The following PRH1 variants were observed in gnomAD, a reference collection of about 807,000 sequenced individuals.
PRH1 encodes proline rich protein HaeIII subfamily 1.
PRH1 carries 7 observed loss-of-function variants against 7.9 expected under a neutral mutation model. That is an observed-to-expected ratio of 0.89 (90% CI 0.50 to 1.67). The LOEUF is 1.67. PRH1 is among the 40% of genes most tolerant of loss of function. PRH1 has a pLI of 0.00. For synonymous variants in PRH1, 45 were observed against 80.8 expected (o/e 0.56, Z 2.38); for missense variants, 109 against 223.6 (o/e 0.49, Z 3.27).
intron 2 of PRH1, among the ~76,000 whole-genome samples, chr12:10,914,676 C>T (rs936307144): frequency 6.6e-6 from 1 of 152,182 alleles, no homozygotes; most frequent in Admixed American, 6.5e-5. Context: ...AGAGTTTTAA[C>T]ACAAGTGACT....
chr12:10,938,857 A>T, intron 2 of PRH1: 1 of 1,613,654 alleles, frequency 6.2e-7, no homozygotes, highest in Non-Finnish European at 8.5e-7. Context: ...AGAGAAAAAT[A>T]GAGTTAGAAA....
chr12:10,888,671 C>T (rs1349832623), upstream of PRH1, among the ~76,000 whole-genome samples: 1 of 152,188 alleles, frequency 6.6e-6, no homozygotes, highest in East Asian at 1.9e-4. Flanking sequence ...CCTATGGGGC[C>T]ACTGAAAGTG....
In PRH1 at chr12:11,033,871, A is replaced by T. The variant is rs561216935; in HGVS notation, c.-126+13149T>A. ...ATGAACCAATACAAAAATGGGAAATACCACAGTGTATCATAAACACTCAAG... is the reference window on the plus strand; with the variant it reads ...ATGAACCAATACAAAAATGGGAAATTCCACAGTGTATCATAAACACTCAAG... On this transcript the variant is annotated intron_variant, in intron 1 of 3. Transcript: ENST00000539853. Among the ~76,000 whole-genome samples the T allele has an allele frequency of 2.4e-4, 36 of 152,348 alleles. 1 individual carries two copies. In the South Asian group the frequency reaches 2.5e-3, roughly 11 times the overall value.
chr12:11,111,556 A>T (rs1945590956), intron 1 of PRH1, among the ~76,000 whole-genome samples: 1 of 152,176 alleles, frequency 6.6e-6, no homozygotes, highest in Admixed American at 6.5e-5. Flanking sequence ...ATGACTACTG[A>T]GTAAATAACG....
At chr12:10,934,893 A>C (rs1322304003) in intron 2 of PRH1, among the ~76,000 whole-genome samples, 1 of 152,196 alleles carries the variant, frequency 6.6e-6, no homozygotes, top group Admixed American at 6.6e-5. Flanking sequence ...TTTGCTTATT[A>C]ATTTTAATTG....
Position 10,956,235 on chromosome 12 carries a change from C to G in PRH1, c.-59+17420G>C, listed in dbSNP as rs78296485. Among the ~76,000 whole-genome samples, 309 of 152,248 alleles carry G rather than the reference C, an allele frequency of 2.0e-3. 2 individuals are homozygous for G. Among genetic ancestry groups the G allele is most frequent in the Non-Finnish European group, 3.3e-3 (226 of 67,988 alleles). Reference sequence around the variant, plus strand: ...AAAAAGCTAATCCACCATAATCAAGCAGGCTTTATCACTGGGATACAAGTT... The same window carrying G: ...AAAAAGCTAATCCACCATAATCAAGGAGGCTTTATCACTGGGATACAAGTT... On this transcript the variant is annotated intron_variant, in intron 2 of 3. Transcript: ENST00000539853.
intron 1 of PRH1, among the ~76,000 whole-genome samples, chr12:11,151,939 AT>A (rs112805039): frequency 0.46 from 68,703 of 150,274 alleles, 16,379 homozygotes; most frequent in Non-Finnish European, 0.53. Flanking sequence ...GGTATGTCAT[AT>A]TTTTTTTTTC....
At chr12:10,943,909 ATTCT>A (rs1565489536) in intron 2 of PRH1, among the ~76,000 whole-genome samples, 6 of 152,232 alleles carry the variant, frequency 3.9e-5, no homozygotes, top group Non-Finnish European at 8.8e-5. Flanking sequence ...TGGGATCTCT[ATTCT>A]GTTCCATTGG....
At chr12:10,972,931 CA>C (rs200937386) in intron 2 of PRH1, among the ~76,000 whole-genome samples, 1,797 of 129,472 alleles carry the variant, frequency 0.014, 104 homozygotes, top group South Asian at 0.024. Flanking sequence ...CACCACAACC[CA>C]CCCCCCCCGC....
intron 1 of PRH1, among the ~76,000 whole-genome samples, chr12:11,102,824 G>T (rs925119824): frequency 1.3e-5 from 2 of 152,070 alleles, no homozygotes; most frequent in African/African-American, 4.8e-5. Flanking sequence ...AATCTACAAA[G>T]AACTTAAACA....
intron 2 of PRH1, among the ~76,000 whole-genome samples, chr12:10,893,751 T>C (rs1949607998): frequency 6.6e-6 from 1 of 152,244 alleles, no homozygotes; most frequent in South Asian, 2.1e-4. Context: ...CTTTCTGCAA[T>C]GTTGAAAATT....
chr12:10,938,446 A>G, intron 2 of PRH1: 1 of 1,614,090 alleles, frequency 6.2e-7, no homozygotes, highest in Non-Finnish European at 8.5e-7. Context: ...CCAACCTTTC[A>G]GAGGTCCAAA....
chr12:11,051,155 T>C (rs893019489), upstream of PRH1, among the ~76,000 whole-genome samples: 1 of 152,230 alleles, frequency 6.6e-6, no homozygotes, highest in Admixed American at 6.5e-5. Context: ...CCACCCCTGT[T>C]GTGTCAGGAA....
intron 1 of PRH1, among the ~76,000 whole-genome samples, chr12:11,001,833 T>C (rs1351293239): frequency 1.3e-5 from 2 of 152,126 alleles, no homozygotes; most frequent in African/African-American, 2.4e-5. Flanking sequence ...AAATAAACTT[T>C]GCAATATAAA....
chr12:10,903,273 A>G (rs982941766), intron 2 of PRH1, among the ~76,000 whole-genome samples: 2 of 152,194 alleles, frequency 1.3e-5, no homozygotes, highest in East Asian at 1.9e-4. Context: ...AAGGCACTAC[A>G]TAATAATAAA....
intron 1 of PRH1, among the ~76,000 whole-genome samples, chr12:11,038,310 G>A (rs1278252407): frequency 1.3e-5 from 2 of 152,154 alleles, no homozygotes; most frequent in Non-Finnish European, 2.9e-5. Flanking sequence ...ACCACACATT[G>A]GCAAGAAAAA....
At chr12:11,013,037 C>A (rs1485241831) in intron 1 of PRH1, among the ~76,000 whole-genome samples, 1 of 152,098 alleles carries the variant, frequency 6.6e-6, no homozygotes, top group African/African-American at 2.4e-5. Context: ...GGTGAAGGGT[C>A]AACTTATATA....
intron 1 of PRH1, among the ~76,000 whole-genome samples, chr12:11,019,812 C>A (rs1422440926): frequency 6.6e-6 from 1 of 152,300 alleles, no homozygotes; most frequent in South Asian, 2.1e-4. Context: ...GAGAAAGAGA[C>A]GTTCCCTAAA....
intron 2 of PRH1, among the ~76,000 whole-genome samples, chr12:10,912,125 C>G (rs1374825350): frequency 6.6e-6 from 1 of 152,042 alleles, no homozygotes; most frequent in African/African-American, 2.4e-5. Flanking sequence ...ATCATTTATT[C>G]AATTGCTGTA....
Sources: gnomAD v4.1 joint callset for allele counts (sites outside exome capture counted in the v4.1 genomes callset) on GRCh38, gnomAD v4.1.1 for gene constraint, MANE v1.5 for transcripts, NCBI Gene and HGNC (gene_info 2026-07-23, HGNC 2026-07-21) for gene names.